Variants in SGCZ observed in about 807,000 individuals in gnomAD.
SGCZ encodes the protein zeta-sarcoglycan.
Under a neutral mutation model 41.3 loss-of-function variants are expected in SGCZ, and 40 were observed. That is an observed-to-expected ratio of 0.97 (90% confidence interval 0.75 to 1.26). SGCZ has a LOEUF of 1.26. Ranked by LOEUF, SGCZ falls within the 50% of genes most tolerant of loss-of-function variation. The probability of loss-of-function intolerance (pLI) is 0.00; values close to 1 mark genes in which losing one functional copy is unlikely to be tolerated. For missense variants in SGCZ, 552 were observed against 369.8 expected (o/e 1.49, Z -4.04); for synonymous variants, 206 against 137.5 (o/e 1.50, Z -3.49).
chr8:14,917,883 G>T (rs1250420772), intron 1 of SGCZ, among the ~76,000 whole-genome samples: 3 of 152,046 alleles, frequency 2.0e-5, no homozygotes, highest in Non-Finnish European at 4.4e-5. Context: ...CATAATATTT[G>T]ACTTTTAACC....
intron 1 of SGCZ, among the ~76,000 whole-genome samples, chr8:14,894,845 C>T (rs1805135207): frequency 6.6e-6 from 1 of 152,150 alleles, no homozygotes; most frequent in Non-Finnish European, 1.5e-5. Flanking sequence ...AAGCAAGTTA[C>T]TTCTCCTCAG....
chr8:14,259,383 C>T (rs1214602957), intron 3 of SGCZ, among the ~76,000 whole-genome samples: 1 of 151,476 alleles, frequency 6.6e-6, no homozygotes, highest in Non-Finnish European at 1.5e-5. Context: ...GAAGTCCTTG[C>T]CCATGCCTAT....
chr8:14,428,036 G>A (rs1004743922), intron 2 of SGCZ, among the ~76,000 whole-genome samples: 1 of 151,614 alleles, frequency 6.6e-6, no homozygotes, highest in Non-Finnish European at 1.5e-5. Context: ...TTGAGCATCT[G>A]CAGATTTTGC....
intron 1 of SGCZ, among the ~76,000 whole-genome samples, chr8:14,781,603 A>G (rs1198716518): frequency 6.6e-6 from 1 of 152,180 alleles, no homozygotes; most frequent in African/African-American, 2.4e-5. Context: ...TGTTTGGGTT[A>G]TTCTTATCCA....
chr8:14,378,110 C>T (rs1404795495), intron 2 of SGCZ, among the ~76,000 whole-genome samples: 4 of 150,288 alleles, frequency 2.7e-5, no homozygotes, highest in African/African-American at 1.0e-4. Context: ...GCCACACTGA[C>T]TTCCACAATG....
At chr8:14,404,873 G>C (rs1011537635) in intron 2 of SGCZ, among the ~76,000 whole-genome samples, 2 of 152,176 alleles carry the variant, frequency 1.3e-5, no homozygotes, top group African/African-American at 4.8e-5. Context: ...GTGAGACTGG[G>C]AGCAAGAGGA....
chr8:15,034,654 C>G (rs1803805974), intron 1 of SGCZ, among the ~76,000 whole-genome samples: 2 of 152,170 alleles, frequency 1.3e-5, no homozygotes. Context: ...TACACCAAAA[C>G]ATACTATAAC....
intron 1 of SGCZ, among the ~76,000 whole-genome samples, chr8:14,759,999 G>A (rs1482419708): frequency 6.6e-6 from 1 of 152,120 alleles, no homozygotes; most frequent in East Asian, 1.9e-4. Flanking sequence ...GCTATTGAGT[G>A]GTGTTTTAAA....
rs532275013 is a variant in SGCZ, at chr8:14,402,306, G to C, written c.235-78102C>G. Among the ~76,000 whole-genome samples the C allele has an allele frequency of 4.5e-3, 676 of 151,438 alleles. 1 individual carries two copies. Among genetic ancestry groups the C allele is most frequent in the Middle Eastern group, 0.02 (6 of 294 alleles). On this transcript the variant is annotated intron_variant, in intron 2 of 7. Transcript: ENST00000382080. ...TCTTGAGTTTAATTAGATCCCATTT[G>C]TCAATTTTGTCTTTTGTTGCCATTG... is the stretch of plus-strand genomic sequence containing the variant.
chr8:14,677,767 T>A (rs1808321363), intron 1 of SGCZ, among the ~76,000 whole-genome samples: 1 of 152,054 alleles, frequency 6.6e-6, no homozygotes, highest in African/African-American at 2.4e-5. Context: ...TGAGACTCCG[T>A]CTAAATAAAT....
intron 1 of SGCZ, among the ~76,000 whole-genome samples, chr8:15,197,637 C>A (rs1800771606): frequency 1.3e-5 from 2 of 152,038 alleles, no homozygotes; most frequent in African/African-American, 4.8e-5. Flanking sequence ...GATAGGTCAC[C>A]AAAATCACAA....
intron 1 of SGCZ, among the ~76,000 whole-genome samples, chr8:15,223,720 T>C (rs1361974015): frequency 6.6e-6 from 1 of 152,198 alleles, no homozygotes; most frequent in African/African-American, 2.4e-5. Flanking sequence ...ATCCTCATTG[T>C]TTTTACTAAT....
chr8:14,944,721 G>C (rs1055342819), intron 1 of SGCZ, among the ~76,000 whole-genome samples: 4 of 152,108 alleles, frequency 2.6e-5, no homozygotes, highest in African/African-American at 9.7e-5. Context: ...ACCCATTGTA[G>C]GCTGAGGATT....
intron 1 of SGCZ, among the ~76,000 whole-genome samples, chr8:15,115,836 C>A (rs1409027618): frequency 6.6e-6 from 1 of 152,192 alleles, no homozygotes; most frequent in Admixed American, 6.5e-5. Flanking sequence ...GTAAAGCAGT[C>A]ATATTCCCAA....
chr8:14,258,597 GAAAATTTA>G (rs1799547147), intron 3 of SGCZ, among the ~76,000 whole-genome samples: 1 of 152,040 alleles, frequency 6.6e-6, no homozygotes, highest in African/African-American at 2.4e-5. Flanking sequence ...AAATTATATT[GAAAATTTA>G]TCTATATATT....
chr8:14,608,188 A>C (rs1805814029), intron 1 of SGCZ, among the ~76,000 whole-genome samples: 1 of 152,042 alleles, frequency 6.6e-6, no homozygotes, highest in Non-Finnish European at 1.5e-5. Flanking sequence ...AACTCTCCAT[A>C]AGGTGGAATG....
chr8:14,940,228 T>G (rs1160959935), intron 1 of SGCZ, among the ~76,000 whole-genome samples: 1 of 152,140 alleles, frequency 6.6e-6, no homozygotes, highest in South Asian at 2.1e-4. Context: ...TGAAATTTTA[T>G]AAATTACATA....
chr8:14,812,937 C>T lies in SGCZ; in HGVS notation c.40-258011G>A, dbSNP rs143716882. Among the ~76,000 whole-genome samples the T allele has an allele frequency of 5.0e-3, 754 of 152,192 alleles. 1 individual carries two copies. The highest frequency in any genetic ancestry group is 0.01 in the East Asian group (54 of 5,186). On this transcript the variant is annotated intron_variant, in intron 1 of 7. Coordinates refer to ENST00000382080, the MANE Select transcript of SGCZ (RefSeq NM_139167.4). ...TTCCCTAATGTTCCTGAATAATATG[C>T]CAGACTTATATAATTATATAACTCA...
At chr8:14,277,595 T>G (rs1466261546) in intron 3 of SGCZ, among the ~76,000 whole-genome samples, 1 of 152,146 alleles carries the variant, frequency 6.6e-6, no homozygotes, top group African/African-American at 2.4e-5. Flanking sequence ...AAATTGCTAG[T>G]AAGATAGTGG....
Sources: gnomAD v4.1 joint callset for allele counts (sites outside exome capture counted in the v4.1 genomes callset) on GRCh38, gnomAD v4.1.1 for gene constraint, MANE v1.5 for transcripts, NCBI Gene and HGNC (gene_info 2026-07-23, HGNC 2026-07-21) for gene names.